ATP10B: variants seen among roughly 807,000 people sequenced by gnomAD.
ATP10B encodes the protein phospholipid-transporting ATPase VB.
A neutral mutation model predicts 141.2 loss-of-function variants in ATP10B; 122 were observed. That is an observed-to-expected ratio of 0.86 (90% CI 0.75 to 1.00). The LOEUF (loss-of-function observed/expected upper bound fraction) is 1.00. Ranked by LOEUF, ATP10B falls within the 50% of genes least tolerant of loss-of-function variation. The probability of loss-of-function intolerance (pLI) is 0.00; values close to 1 mark genes in which losing one functional copy is unlikely to be tolerated. For missense variants in ATP10B, 1,876 were observed against 1,825.3 expected (o/e 1.03, Z -0.51); for synonymous variants, 685 against 692.0 (o/e 0.99, Z 0.16).
chr5:160,679,657 G>A (rs954173953), intron 6 of ATP10B, among the ~76,000 whole-genome samples: 1 of 152,238 alleles, frequency 6.6e-6, no homozygotes, highest in Non-Finnish European at 1.5e-5. Context: ...CCTAGACTGA[G>A]AGTCCTTTGA....
chr5:160,616,781 G>A (rs1234090441), intron 16 of ATP10B, among the ~76,000 whole-genome samples: 2 of 152,192 alleles, frequency 1.3e-5, no homozygotes, highest in Non-Finnish European at 2.9e-5. Context: ...TTGCTTTTGA[G>A]GAATGCATAG....
chr5:160,889,993 A>C, the ATP10B span, among the ~76,000 whole-genome samples: 1 of 152,142 alleles, frequency 6.6e-6, no homozygotes, highest in Admixed American at 6.5e-5. Context: ...AATTCTTTGG[A>C]AGATTCATTT....
chr5:160,574,703 G>A (rs546271983), intron 24 of ATP10B, among the ~76,000 whole-genome samples: 1 of 152,238 alleles, frequency 6.6e-6, no homozygotes, highest in African/African-American at 2.4e-5. Flanking sequence ...TATAAAAGAG[G>A]ATGATGGAAG....
intron 1 of ATP10B, among the ~76,000 whole-genome samples, chr5:160,842,346 C>A (rs1424749743): frequency 1.3e-5 from 2 of 151,714 alleles, no homozygotes; most frequent in Non-Finnish European, 2.9e-5. Context: ...ATTGGGGAAA[C>A]GATAGCCTTA....
intron 13 of ATP10B, among the ~76,000 whole-genome samples, chr5:160,626,524 G>A (rs968084318): frequency 5.1e-4 from 78 of 152,248 alleles, no homozygotes; most frequent in African/African-American, 1.8e-3. Context: ...TCATAAAATC[G>A]CAGATAATGT....
At chr5:160,912,241 T>G in the ATP10B span, among the ~76,000 whole-genome samples, 3 of 151,938 alleles carry the variant, frequency 2.0e-5, no homozygotes, top group African/African-American at 7.2e-5. Flanking sequence ...CAAGGAAGTA[T>G]GAGACATTGA....
intron 1 of ATP10B, among the ~76,000 whole-genome samples, chr5:160,802,058 T>C (rs1279341096): frequency 6.6e-6 from 1 of 152,196 alleles, no homozygotes; most frequent in African/African-American, 2.4e-5. Flanking sequence ...GCTGTGTCTG[T>C]AGAGGTGTTG....
intron 1 of ATP10B, among the ~76,000 whole-genome samples, chr5:160,811,684 A>G (rs549006966): frequency 3.9e-5 from 6 of 152,302 alleles, no homozygotes; most frequent in Admixed American, 3.3e-4. Flanking sequence ...AATACAGCAG[A>G]ACACCAGGTA....
chr5:160,620,472 A>T lies in ATP10B; in HGVS notation c.2291T>A (p.Leu764Gln). The T allele has an allele frequency of 6.2e-7, 1 of 1,614,218 alleles. No homozygotes were observed. The highest frequency in any genetic ancestry group is 8.5e-7 in the Non-Finnish European group (1 of 1,180,030). Residue 764 changes from leucine to glutamine, a missense_variant, in exon 15 of 26, where the codon CTG becomes CAG. By Grantham distance (113) the Leu-to-Gln change is moderately radical. Coordinates refer to ENST00000327245, the MANE Select transcript of ATP10B (RefSeq NM_025153.3). ...TCTCTTCCTGACAGAGTCAAAGCCC[A>T]GGGTGCAGAGGAGGCTGAAGGTGAG... The part of the protein sequence containing the change: ...TCLTFSLLCT[L>Q]GFDSVRKRMS...
chr5:160,606,914 T>C lies in ATP10B; in HGVS notation c.3011A>G (p.Asn1004Ser). ...AGLVIDGKTL[N>S]AIFQGKLEKK... Reference sequence around the variant, plus strand: ...CTCTAGCTTTCCCTGGAAGATGGCATTCAATGTCTTCCCATCGATGACCAA... The same window carrying C: ...CTCTAGCTTTCCCTGGAAGATGGCACTCAATGTCTTCCCATCGATGACCAA... Residue 1004 changes from asparagine to serine, a missense_variant, in exon 19 of 26, where the codon AAT becomes AGT. Physicochemically the swap from Asn to Ser is conservative, Grantham distance 46. Coordinates refer to ENST00000327245, the MANE Select transcript of ATP10B (RefSeq NM_025153.3). 1 of 1,614,176 alleles carries C rather than the reference T, an allele frequency of 6.2e-7. No homozygotes were observed. The highest frequency in any genetic ancestry group is 2.2e-5 in the East Asian group (1 of 44,880).
At chr5:160,643,441 G>T (rs2127678704) in intron 9 of ATP10B, among the ~76,000 whole-genome samples, 1 of 152,308 alleles carries the variant, frequency 6.6e-6, no homozygotes, top group East Asian at 1.9e-4. Flanking sequence ...TGTAACAACA[G>T]GTGCGTTGCG....
At chr5:160,896,846 G>A in the ATP10B span, among the ~76,000 whole-genome samples, 6 of 152,256 alleles carry the variant, frequency 3.9e-5, no homozygotes, top group South Asian at 4.1e-4. Flanking sequence ...TATTCACCAC[G>A]ATCAAGTTGG....
rs953658699 is a variant in ATP10B, at chr5:160,785,660, T to A, written c.-432A>T. The stretch of plus-strand genomic sequence containing the variant: ...CTTTGTGTCCATGTGTAAGAAATGG[T>A]AGTTTCTCATCTTGGCAGTGGAGAG... On this transcript the variant is annotated 5_prime_UTR_variant, in exon 2 of 26. Transcript: ENST00000327245. The A allele has an allele frequency of 1.6e-6, 2 of 1,286,622 alleles. No individual in the cohort carries two copies. The highest frequency in any genetic ancestry group is 2.0e-6 in the Non-Finnish European group (2 of 986,596). The allele number at this position is 1,286,622 out of a possible 1,614,324, so 79.7% of individuals were successfully genotyped here.
chr5:160,862,478 C>A, the ATP10B span, among the ~76,000 whole-genome samples: 11 of 151,966 alleles, frequency 7.2e-5, no homozygotes, highest in Non-Finnish European at 1.6e-4. Context: ...TCACTGATAC[C>A]TCCTACAGGT....
chr5:160,702,593 A>G (rs921145948), intron 3 of ATP10B, among the ~76,000 whole-genome samples: 1 of 152,246 alleles, frequency 6.6e-6, no homozygotes, highest in African/African-American at 2.4e-5. Flanking sequence ...AACATCTGTT[A>G]TGAAATATTA....
intron 13 of ATP10B, among the ~76,000 whole-genome samples, chr5:160,629,477 G>A (rs570289193): frequency 6.6e-6 from 1 of 152,134 alleles, no homozygotes; most frequent in African/African-American, 2.4e-5. Flanking sequence ...AGAATTATCA[G>A]AAATTAAAAT....
chr5:160,607,818 T>A (rs970106813), intron 18 of ATP10B, among the ~76,000 whole-genome samples: 2 of 152,216 alleles, frequency 1.3e-5, no homozygotes, highest in African/African-American at 4.8e-5. Flanking sequence ...TTTCTTCCAT[T>A]ACTTTTGATT....
chr5:160,652,820 AT>A (rs1760877232), intron 7 of ATP10B, among the ~76,000 whole-genome samples: 1 of 98,470 alleles, frequency 1.0e-5, no homozygotes, highest in African/African-American at 5.3e-5. Flanking sequence ...TATATTATAT[AT>A]TAATTATATA....
chr5:160,882,060 A>G, the ATP10B span, among the ~76,000 whole-genome samples: 2 of 152,218 alleles, frequency 1.3e-5, no homozygotes, highest in Non-Finnish European at 2.9e-5. Context: ...AAAACTCTGG[A>G]GACAATAAAA....
Sources: allele counts gnomAD v4.1 joint callset (sites outside exome capture counted in the v4.1 genomes callset), GRCh38; gene constraint gnomAD v4.1.1; transcripts MANE v1.5; gene names NCBI Gene and HGNC (gene_info 2026-07-23, HGNC 2026-07-21).